NEBL: variants seen among roughly 807,000 people sequenced by gnomAD.
The protein encoded by NEBL is nebulette, also known as LIM and SH3 protein 2.
Under a neutral mutation model 140.2 loss-of-function variants are expected in NEBL, and 122 were observed. That is an observed-to-expected ratio of 0.87 (90% CI 0.75 to 1.01). NEBL has a LOEUF of 1.01. Among genes scored for constraint, NEBL ranks in the 50% least tolerant of loss-of-function variants. The probability of loss-of-function intolerance (pLI) is 0.00; values close to 1 mark genes in which losing one functional copy is unlikely to be tolerated. For synonymous variants in NEBL, 436 were observed against 398.9 expected (o/e 1.09, Z -1.11); for missense variants, 1,365 against 1,231.3 (o/e 1.11, Z -1.62).
intron 2 of NEBL, among the ~76,000 whole-genome samples, chr10:21,096,550 G>A (rs1280201128): frequency 6.6e-6 from 1 of 151,310 alleles, no homozygotes; most frequent in Non-Finnish European, 1.5e-5. Context: ...GTCTCAGTCT[G>A]TCACCCATGC....
At position 20,896,380 on chromosome 10, in the gene NEBL, C is replaced by CAACAA. The variant is rs552109242; in HGVS notation, c.153+573_153+577dup. Among the ~76,000 whole-genome samples, 795 of 150,704 alleles carry CAACAA rather than the reference C, an allele frequency of 5.3e-3. 16 individuals carry two copies. The highest frequency in any genetic ancestry group is 0.041 in the Admixed American group (625 of 15,076). On this transcript the variant is annotated intron_variant, in intron 2 of 27. Transcript: ENST00000377122. Reference sequence around the variant, plus strand: ...CAATCCCAGTTACTAAAAAATGTCACAACAAAAATACCCCTTGCACTAATA... The same window carrying CAACAA: ...CAATCCCAGTTACTAAAAAATGTCACAACAAAACAAAAATACCCCTTGCACTAATA...
intron 1 of NEBL, among the ~76,000 whole-genome samples, chr10:21,286,032 A>G (rs2132302215): frequency 6.6e-6 from 1 of 152,194 alleles, no homozygotes; most frequent in Admixed American, 6.5e-5. Context: ...TCATTCTTCC[A>G]TCTCTGGTTC....
At chr10:21,237,265 C>T (rs1026060532) in intron 3 of NEBL, among the ~76,000 whole-genome samples, 52 of 152,166 alleles carry the variant, frequency 3.4e-4, no homozygotes, top group Admixed American at 1.2e-3. Context: ...AGTGCAGTAG[C>T]GCAATCTCAA....
intron 3 of NEBL, among the ~76,000 whole-genome samples, chr10:20,975,718 C>A (rs1187513934): frequency 6.6e-6 from 1 of 152,180 alleles, no homozygotes; most frequent in Non-Finnish European, 1.5e-5. Context: ...CCAACTCCAG[C>A]ATCTCTTGGA....
chr10:21,038,144 G>A (rs926144247), intron 2 of NEBL, among the ~76,000 whole-genome samples: 23 of 152,264 alleles, frequency 1.5e-4, no homozygotes, highest in Admixed American at 7.8e-4. Flanking sequence ...GAGGGGAAAA[G>A]CATGACATTT....
intron 26 of NEBL, among the ~76,000 whole-genome samples, chr10:20,796,408 T>G (rs565817443): frequency 7.0e-6 from 1 of 143,510 alleles, no homozygotes; most frequent in South Asian, 2.3e-4. Flanking sequence ...CTCTAAAATA[T>G]TATCTTGGGG....
chr10:21,201,323 A>T (rs368546256), intron 3 of NEBL, among the ~76,000 whole-genome samples: 1 of 152,246 alleles, frequency 6.6e-6, no homozygotes, highest in Admixed American at 6.5e-5. Context: ...AGTTTCTTAC[A>T]TGGTGGCCAG....
chr10:20,870,528 C>T (rs1030891231), intron 5 of NEBL, among the ~76,000 whole-genome samples: 1 of 151,970 alleles, frequency 6.6e-6, no homozygotes, highest in Non-Finnish European at 1.5e-5. Context: ...GTCTCAAGCC[C>T]CAGTGGGTGC....
At chr10:20,892,522 T>C (rs982755624) in intron 2 of NEBL, among the ~76,000 whole-genome samples, 5 of 152,164 alleles carry the variant, frequency 3.3e-5, no homozygotes, top group African/African-American at 1.2e-4. Flanking sequence ...TGTTAAGCCA[T>C]TGTGTTAGAG....
chr10:21,225,855 G>GAGCC (rs752590150), intron 3 of NEBL, among the ~76,000 whole-genome samples: 7 of 151,988 alleles, frequency 4.6e-5, no homozygotes, highest in Non-Finnish European at 8.8e-5. Flanking sequence ...GGGCCTCCAG[G>GAGCC]AGCCCACTTA....
intron 3 of NEBL, among the ~76,000 whole-genome samples, chr10:20,995,799 C>G (rs909061498): frequency 3.3e-5 from 5 of 152,008 alleles, no homozygotes; most frequent in African/African-American, 9.7e-5. Context: ...AGATGCTGCT[C>G]GGCTTGAAAA....
intron 3 of NEBL, among the ~76,000 whole-genome samples, chr10:20,991,094 T>C (rs192065973): frequency 2.0e-4 from 31 of 152,294 alleles, no homozygotes; most frequent in Admixed American, 1.8e-3. Flanking sequence ...AAACAAAACC[T>C]ATAGAGAAGT....
At chr10:20,943,965 T>G (rs1215006858) in intron 4 of NEBL, among the ~76,000 whole-genome samples, 1 of 152,186 alleles carries the variant, frequency 6.6e-6, no homozygotes, top group Non-Finnish European at 1.5e-5. Flanking sequence ...ATGTCTACGG[T>G]CTAGTCTCTG....
chr10:21,245,343 T>G (rs962110892), intron 3 of NEBL, among the ~76,000 whole-genome samples: 2 of 152,202 alleles, frequency 1.3e-5, no homozygotes, highest in Admixed American at 6.5e-5. Context: ...ACAAGGTGCA[T>G]GTTAAACTAT....
chr10:21,144,549 AACCTTGTCTGG>A (rs1187952353), intron 2 of NEBL, among the ~76,000 whole-genome samples: 1 of 152,098 alleles, frequency 6.6e-6, no homozygotes, highest in Non-Finnish European at 1.5e-5. Context: ...AACCTGGCAA[AACCTTGTCTGG>A]ACTAAAAATA....
chr10:21,076,465 A>G (rs1188712013), intron 2 of NEBL, among the ~76,000 whole-genome samples: 1 of 150,126 alleles, frequency 6.7e-6, no homozygotes, highest in African/African-American at 2.4e-5. Context: ...AAAAAAAAAA[A>G]AAAAAAAAAG....
intron 4 of NEBL, among the ~76,000 whole-genome samples, chr10:20,950,426 G>A (rs890311862): frequency 6.6e-6 from 1 of 152,240 alleles, no homozygotes; most frequent in East Asian, 1.9e-4. Context: ...ACAAGGAGAC[G>A]CCGGGTGTTC....
chr10:20,887,812 A>G (rs1319500023), intron 4 of NEBL, among the ~76,000 whole-genome samples: 2 of 152,194 alleles, frequency 1.3e-5, no homozygotes, highest in Non-Finnish European at 2.9e-5. Context: ...ATTTACTATA[A>G]GAATTTCATC....
chr10:21,238,030 A>T (rs148348776), intron 3 of NEBL, among the ~76,000 whole-genome samples: 28 of 152,358 alleles, frequency 1.8e-4, no homozygotes, highest in Admixed American at 3.3e-4. Context: ...CCCATGCAGC[A>T]GCTACCAGAA....
Sources: allele counts gnomAD v4.1 joint callset (sites outside exome capture counted in the v4.1 genomes callset), GRCh38; gene constraint gnomAD v4.1.1; transcripts MANE v1.5; gene names NCBI Gene and HGNC (gene_info 2026-07-23, HGNC 2026-07-21).